The following BICC1 variants were observed in gnomAD, a reference collection of about 807,000 sequenced individuals.
BICC1 encodes protein bicaudal C homolog 1.
In BICC1, 43 loss-of-function variants were observed where a neutral mutation model predicts 111.0. That is an observed-to-expected ratio of 0.39 (90% CI 0.30 to 0.50). BICC1 has a LOEUF of 0.50. Among genes scored for constraint, BICC1 ranks in the 20% least tolerant of loss-of-function variants. The pLI is 0.88. For missense variants in BICC1, 1,091 were observed against 1,203.2 expected (o/e 0.91, Z 1.38); for synonymous variants, 467 against 434.4 (o/e 1.07, Z -0.93).
intron 2 of BICC1, among the ~76,000 whole-genome samples, chr10:58,647,612 C>T (rs1042524180): frequency 2.0e-5 from 3 of 152,074 alleles, no homozygotes; most frequent in African/African-American, 4.8e-5. Flanking sequence ...TTCACGATAA[C>T]CTGTGTCTTT....
intron 1 of BICC1, among the ~76,000 whole-genome samples, chr10:58,566,061 C>T (rs1469658983): frequency 6.6e-6 from 1 of 152,064 alleles, no homozygotes; most frequent in African/African-American, 2.4e-5. Context: ...TGAGTTACTT[C>T]ACTTAGAATA....
At chr10:58,697,241 A>C (rs1840089676) in intron 2 of BICC1, among the ~76,000 whole-genome samples, 1 of 152,192 alleles carries the variant, frequency 6.6e-6, no homozygotes, top group African/African-American at 2.4e-5. Flanking sequence ...TTTTCTTGTC[A>C]GATTTTTTGG....
At chr10:58,770,687 A>G (rs1418308017) in intron 3 of BICC1, among the ~76,000 whole-genome samples, 1 of 152,290 alleles carries the variant, frequency 6.6e-6, no homozygotes, top group Admixed American at 6.5e-5. Context: ...ACTTAATGGG[A>G]CAATCCAGGG....
rs72800567 is a variant in BICC1 at position 58,575,632 on chromosome 10, A to G, written c.191-45223A>G. Among the ~76,000 whole-genome samples, 199 of 151,682 alleles carry G rather than the reference A, an allele frequency of 1.3e-3. 1 individual carries two copies. Among genetic ancestry groups the G allele is most frequent in the Non-Finnish European group, 2.5e-3 (168 of 67,912 alleles). ...GAAATAGGGTCTCGCTATGTTGGGT[A>G]GGCTCTCCTTGGACTCCTGGACTTA... On this transcript the variant is annotated intron_variant, in intron 1 of 20. Coordinates refer to ENST00000373886, the MANE Select transcript of BICC1 (RefSeq NM_001080512.3).
intron 1 of BICC1, among the ~76,000 whole-genome samples, chr10:58,551,166 C>T (rs75974025): frequency 6.6e-6 from 1 of 152,078 alleles, no homozygotes; most frequent in Admixed American, 6.6e-5. Flanking sequence ...TTGTTCACTG[C>T]TGTATCCCCT....
intron 2 of BICC1, among the ~76,000 whole-genome samples, chr10:58,686,628 C>T (rs899905215): frequency 6.6e-6 from 1 of 152,074 alleles, no homozygotes; most frequent in African/African-American, 2.4e-5. Flanking sequence ...GATCTTCAAT[C>T]ACTTATACCC....
intron 1 of BICC1, among the ~76,000 whole-genome samples, chr10:58,522,581 T>A (rs923674835): frequency 3.3e-5 from 5 of 152,080 alleles, no homozygotes; most frequent in Admixed American, 2.6e-4. Context: ...TTTATAGGAC[T>A]AAATGCCCAC....
chr10:58,535,255 C>CA (rs1183744819), intron 1 of BICC1, among the ~76,000 whole-genome samples: 2 of 151,580 alleles, frequency 1.3e-5, no homozygotes, highest in Non-Finnish European at 3.0e-5. Flanking sequence ...AGACTCATTA[C>CA]AAAAAGGACG....
At chr10:58,628,916 C>A (rs932104023) in intron 2 of BICC1, among the ~76,000 whole-genome samples, 6 of 152,126 alleles carry the variant, frequency 3.9e-5, no homozygotes, top group Non-Finnish European at 5.9e-5. Flanking sequence ...ATAGATGTCA[C>A]TCATATGTTG....
chr10:58,684,052 A>G (rs1839628397), intron 2 of BICC1, among the ~76,000 whole-genome samples: 1 of 152,222 alleles, frequency 6.6e-6, no homozygotes, highest in African/African-American at 2.4e-5. Flanking sequence ...ACGTTCCACC[A>G]ATACCTAGTT....
At chr10:58,816,608 T>C (rs1298353437) in intron 18 of BICC1, among the ~76,000 whole-genome samples, 1 of 152,012 alleles carries the variant, frequency 6.6e-6, no homozygotes, top group Admixed American at 6.6e-5. Flanking sequence ...CTTTGGTCAG[T>C]GTTGTCCTCC....
chr10:58,622,736 A>G (rs1414822359), intron 2 of BICC1, among the ~76,000 whole-genome samples: 1 of 152,228 alleles, frequency 6.6e-6, no homozygotes, highest in African/African-American at 2.4e-5. Context: ...TTTTGACTGG[A>G]CAGAAGTAGA....
At chr10:58,769,036 CACAA>C (rs1385926253) in intron 3 of BICC1, among the ~76,000 whole-genome samples, 2 of 151,970 alleles carry the variant, frequency 1.3e-5, no homozygotes, top group Admixed American at 6.6e-5. Flanking sequence ...ATAAACCAGA[CACAA>C]ACAGACAAAT....
chr10:58,538,421 A>G (rs1003780897), intron 1 of BICC1, among the ~76,000 whole-genome samples: 1 of 151,992 alleles, frequency 6.6e-6, no homozygotes, highest in African/African-American at 2.4e-5. Flanking sequence ...GAATAGCCAC[A>G]TGTAGAAGAA....
At chr10:58,585,036 A>G (rs540578780) in intron 1 of BICC1, among the ~76,000 whole-genome samples, 1 of 152,336 alleles carries the variant, frequency 6.6e-6, no homozygotes, top group South Asian at 2.1e-4. Context: ...CTAATTTACA[A>G]TTATACCTGG....
chr10:58,792,562 G>A (rs1430240847), intron 8 of BICC1, among the ~76,000 whole-genome samples: 1 of 152,134 alleles, frequency 6.6e-6, no homozygotes, highest in African/African-American at 2.4e-5. Context: ...GAGATTAGCA[G>A]TGGCATAAGA....
chr10:58,806,960 A>G (rs770841541), intron 16 of BICC1, 44 bp from the exon 17 acceptor site: 1 of 1,542,686 alleles, frequency 6.5e-7, no homozygotes, highest in Non-Finnish European at 8.8e-7. Context: ...TATTGAAGAA[A>G]TGCATTAAAC....
rs569623779 is a variant in BICC1, at chr10:58,595,361, G to A, written c.191-25494G>A. On this transcript the variant is annotated intron_variant, in intron 1 of 20. Coordinates refer to ENST00000373886, the MANE Select transcript of BICC1 (RefSeq NM_001080512.3). Reference sequence around the variant, plus strand: ...ACTTGAACTTAGCTCTGGACCAAGTGGACCTAATAGACATCTACAGAACTC... The same window carrying A: ...ACTTGAACTTAGCTCTGGACCAAGTAGACCTAATAGACATCTACAGAACTC... 2.0e-5 allele frequency among the ~76,000 whole-genome samples: 3 copies of A among 152,142 alleles called. No homozygotes were observed. In the South Asian group the frequency reaches 6.2e-4, roughly 32 times the overall value.
chr10:58,554,441 C>T (rs1300917771), intron 1 of BICC1, among the ~76,000 whole-genome samples: 1 of 152,116 alleles, frequency 6.6e-6, no homozygotes, highest in African/African-American at 2.4e-5. Context: ...AAAGAGCCTA[C>T]AATATATAGA....
Sources: gnomAD v4.1 joint callset for allele counts (sites outside exome capture counted in the v4.1 genomes callset) on GRCh38, gnomAD v4.1.1 for gene constraint, MANE v1.5 for transcripts, NCBI Gene and HGNC (gene_info 2026-07-23, HGNC 2026-07-21) for gene names.